Variants in RARB observed in about 807,000 individuals in gnomAD.
The protein encoded by RARB is HBV-activated protein.
RARB carries 17 observed loss-of-function variants against 51.9 expected under a neutral mutation model. The observed-to-expected ratio is 0.33, with a 90% CI of 0.22 to 0.49. The LOEUF (loss-of-function observed/expected upper bound fraction) is 0.49. Ranked by LOEUF, RARB falls within the 20% of genes least tolerant of loss-of-function variation. RARB has a pLI of 0.99. For missense variants in RARB, 369 were observed against 550.8 expected (o/e 0.67, Z 3.30); for synonymous variants, 215 against 195.4 (o/e 1.10, Z -0.84).
intron 4 of RARB, among the ~76,000 whole-genome samples, chr3:25,159,921 TG>T (rs1422591883): frequency 6.6e-6 from 1 of 152,202 alleles, no homozygotes; most frequent in Non-Finnish European, 1.5e-5. Flanking sequence ...ATCTTTATTT[TG>T]GGGGAAGAGA....
intron 2 of RARB, among the ~76,000 whole-genome samples, chr3:25,008,122 C>G (rs1480739183): frequency 1.3e-5 from 2 of 152,144 alleles, no homozygotes; most frequent in Admixed American, 6.5e-5. Context: ...TAGGTAATCT[C>G]TACAGATTTC....
chr3:25,354,933 C>T lies in RARB; in HGVS notation c.179-106260C>T, dbSNP rs559394522. Among the ~76,000 whole-genome samples the T allele has an allele frequency of 2.8e-4, 42 of 151,214 alleles. No homozygotes were observed. In the East Asian group the frequency reaches 8.0e-3, roughly 29 times the overall value. On this transcript the variant is annotated intron_variant, in intron 5 of 11. Transcript: ENST00000383772. ...CATCCAGCATAGCATAACACAGAAA[C>T]CATGAAACCATGAGCACACACTCTG...
intron 5 of RARB, among the ~76,000 whole-genome samples, chr3:25,240,291 C>T (rs1006037917): frequency 2.0e-5 from 3 of 151,906 alleles, no homozygotes; most frequent in South Asian, 2.1e-4. Flanking sequence ...AACTTGACTT[C>T]CTCATTTTCA....
At chr3:24,966,797 C>T (rs936874404) in intron 2 of RARB, among the ~76,000 whole-genome samples, 1 of 152,140 alleles carries the variant, frequency 6.6e-6, no homozygotes, top group African/African-American at 2.4e-5. Flanking sequence ...AGCATGAATT[C>T]TTAAAATATT....
chr3:25,173,876 A>G (rs1375222711), intron 4 of RARB, among the ~76,000 whole-genome samples: 3 of 152,204 alleles, frequency 2.0e-5, no homozygotes, highest in African/African-American at 7.2e-5. Flanking sequence ...ATATAGTCAA[A>G]TAACACAGGA....
chr3:25,188,730 A>G (rs1701031759), intron 5 of RARB, among the ~76,000 whole-genome samples: 1 of 140,404 alleles, frequency 7.1e-6, no homozygotes, highest in South Asian at 2.4e-4. Context: ...GAGAAACTAT[A>G]TACATCATCT....
intron 5 of RARB, among the ~76,000 whole-genome samples, chr3:25,385,508 G>A (rs1392693913): frequency 1.3e-5 from 2 of 152,142 alleles, no homozygotes; most frequent in East Asian, 3.9e-4. Context: ...TTCTCCTTCA[G>A]TCGGAGGCCC....
chr3:25,493,813 T>A (rs1319746399), intron 2 of RARB, among the ~76,000 whole-genome samples: 7 of 152,218 alleles, frequency 4.6e-5, no homozygotes, highest in Admixed American at 6.5e-5. Context: ...TTAAAAAGCC[T>A]TAATTCCTTT....
intron 5 of RARB, among the ~76,000 whole-genome samples, chr3:25,216,404 C>T (rs1054543113): frequency 6.6e-6 from 1 of 152,078 alleles, no homozygotes; most frequent in East Asian, 1.9e-4. Context: ...ACTATGCAGC[C>T]ATAAAAAGGA....
intron 2 of RARB, among the ~76,000 whole-genome samples, chr3:25,474,937 A>G (rs1400083128): frequency 6.6e-6 from 1 of 152,210 alleles, no homozygotes; most frequent in Non-Finnish European, 1.5e-5. Context: ...TGTACAGTAT[A>G]CATACAGATA....
At chr3:25,552,674 G>T (rs988586287) in intron 3 of RARB, among the ~76,000 whole-genome samples, 1 of 152,152 alleles carries the variant, frequency 6.6e-6, no homozygotes, top group Non-Finnish European at 1.5e-5. Flanking sequence ...AATCTACCTG[G>T]AGGAGATAAT....
chr3:25,225,989 T>G (rs926420267), intron 5 of RARB, among the ~76,000 whole-genome samples: 3 of 152,146 alleles, frequency 2.0e-5, no homozygotes, highest in Admixed American at 6.5e-5. Flanking sequence ...ATAATAACAG[T>G]GATTGTTAAA....
chr3:24,974,536 A>G (rs550195889), intron 2 of RARB, among the ~76,000 whole-genome samples: 2 of 152,252 alleles, frequency 1.3e-5, no homozygotes, highest in South Asian at 4.1e-4. Flanking sequence ...GGCCTCTGAA[A>G]AAAAGGTGAA....
intron 2 of RARB, among the ~76,000 whole-genome samples, chr3:24,949,891 C>T (rs1474588713): frequency 6.6e-6 from 1 of 152,184 alleles, no homozygotes. Flanking sequence ...TACTAGCCTA[C>T]ATTGGCACTG....
intron 2 of RARB, among the ~76,000 whole-genome samples, chr3:25,469,327 G>T (rs894847432): frequency 6.6e-6 from 1 of 152,182 alleles, no homozygotes; most frequent in Admixed American, 6.5e-5. Flanking sequence ...CCACATTGTT[G>T]TTTTTAATTG....
At chr3:25,584,537 G>C (rs1701306119) in intron 5 of RARB, among the ~76,000 whole-genome samples, 1 of 152,186 alleles carries the variant, frequency 6.6e-6, no homozygotes, top group Non-Finnish European at 1.5e-5. Context: ...GTGAGTCGTG[G>C]GGAGCCTAGA....
intron 5 of RARB, among the ~76,000 whole-genome samples, chr3:25,248,469 G>A (rs185540184): frequency 6.6e-6 from 1 of 152,164 alleles, no homozygotes; most frequent in East Asian, 1.9e-4. Context: ...TTATCATTGT[G>A]TTTTGTTTTC....
chr3:25,569,726 G>C, intron 3 of RARB, 32 bp from the exon 4 acceptor site: 1 of 1,599,688 alleles, frequency 6.3e-7, no homozygotes, highest in Non-Finnish European at 8.5e-7. Flanking sequence ...AGCCTTCAGC[G>C]ACCCCTGATG....
intron 2 of RARB, among the ~76,000 whole-genome samples, chr3:24,904,162 T>G (rs1694796729): frequency 6.6e-6 from 1 of 152,144 alleles, no homozygotes; most frequent in Non-Finnish European, 1.5e-5. Flanking sequence ...GTTGAGCGAG[T>G]TCTTTAACTT....
Sources: gnomAD v4.1 joint callset for allele counts (sites outside exome capture counted in the v4.1 genomes callset) on GRCh38, gnomAD v4.1.1 for gene constraint, MANE v1.5 for transcripts, NCBI Gene and HGNC (gene_info 2026-07-23, HGNC 2026-07-21) for gene names.